The following PRRX1 variants were observed in gnomAD, a reference collection of about 807,000 sequenced individuals.
PRRX1 encodes paired related homeobox 1, also known as paired mesoderm homeobox protein 1.
PRRX1 carries 8 observed loss-of-function variants against 24.0 expected under a neutral mutation model. The ratio of observed to expected loss-of-function variants is 0.33; its 90% CI spans 0.20 to 0.60. The LOEUF (loss-of-function observed/expected upper bound fraction) is 0.60, where lower values mean the gene tolerates loss of function less well. PRRX1 is among the 20% of genes least tolerant of loss of function. The pLI, the probability that PRRX1 is intolerant of heterozygous loss-of-function variation, is 0.82. For missense variants in PRRX1, 281 were observed against 322.4 expected (o/e 0.87, Z 0.98); for synonymous variants, 160 against 131.7 (o/e 1.22, Z -1.47).
chr1:170,727,545 G>A (rs903349375), intron 3 of PRRX1: 2 of 152,218 alleles, frequency 1.3e-5, no homozygotes, highest in East Asian at 3.8e-4. Flanking sequence ...TTTCTGACAT[G>A]AAATGCTACA....
intron 1 of PRRX1, among the ~76,000 whole-genome samples, chr1:170,688,070 A>G (rs1279083259): frequency 1.3e-5 from 2 of 152,206 alleles, no homozygotes; most frequent in African/African-American, 4.8e-5. Flanking sequence ...GTAGGCATAC[A>G]TTTATTCACT....
intron 2 of PRRX1, among the ~76,000 whole-genome samples, chr1:170,721,487 G>A (rs562806463): frequency 3.4e-4 from 51 of 152,234 alleles, no homozygotes; most frequent in African/African-American, 1.1e-3. Flanking sequence ...AGAGATCCTA[G>A]TGCTCCCTTC....
rs528051964 is a variant in PRRX1, at chr1:170,732,946, C to G, written c.600-3102C>G. On this transcript the variant is annotated intron_variant, in intron 3 of 3. Coordinates refer to ENST00000239461, the MANE Select transcript of PRRX1 (RefSeq NM_022716.4). ...TATACAATGCCACCATATAATCAGA[C>G]GAGGGCACTGTTCTTTACTGTGGAA... 3.3e-5 allele frequency among the ~76,000 whole-genome samples: 5 copies of G among 152,210 alleles called. No individual in the cohort carries two copies. In the South Asian group the frequency reaches 1.0e-3, roughly 32 times the overall value.
intron 1 of PRRX1, among the ~76,000 whole-genome samples, chr1:170,717,278 G>T (rs1319404034): frequency 2.6e-5 from 4 of 152,208 alleles, no homozygotes; most frequent in African/African-American, 7.2e-5. Context: ...CAGGGGAGTT[G>T]GTGGTTTATG....
intron 2 of PRRX1, among the ~76,000 whole-genome samples, chr1:170,723,809 AG>A (rs1655166382): frequency 1.3e-5 from 2 of 152,344 alleles, no homozygotes; most frequent in East Asian, 3.9e-4. Flanking sequence ...TTAGGTCACA[AG>A]CCTGTACAGC....
intron 1 of PRRX1, among the ~76,000 whole-genome samples, chr1:170,666,340 C>T (rs1422790052): frequency 6.9e-6 from 1 of 145,238 alleles, no homozygotes; most frequent in Non-Finnish European, 1.5e-5. Flanking sequence ...ATCGCTTAAA[C>T]CCGGGAAGCA....
Position 170,736,077 on chromosome 1 carries a change from C to G in PRRX1, c.629C>G (p.Ala210Gly). 6.2e-7 allele frequency: 1 copy of G among 1,614,076 alleles called. No homozygotes were observed. The highest frequency in any genetic ancestry group is 8.5e-7 in the Non-Finnish European group (1 of 1,179,932). Residue 210 changes from alanine to glycine, a missense_variant, in exon 4 of 4, where the codon GCC (alanine) becomes GGC (glycine). Transcript: ENST00000239461. ...ATGGCTACTTATTCTGCCACATGTGCCAACAATAGCCCTGCACAGGGCATC... is the reference window on the plus strand; with the variant it reads ...ATGGCTACTTATTCTGCCACATGTGGCAACAATAGCCCTGCACAGGGCATC... ...SAMATYSATC[A>G]NNSPAQGINM...
intron 1 of PRRX1, among the ~76,000 whole-genome samples, chr1:170,692,751 A>T (rs1029849915): frequency 6.6e-6 from 1 of 151,668 alleles, no homozygotes; most frequent in Non-Finnish European, 1.5e-5. Flanking sequence ...TCACACACAC[A>T]CACACACACA....
At chr1:170,720,026 G>A in intron 2 of PRRX1, 125 bp downstream of exon 2, 4 of 1,281,590 alleles carry the variant, frequency 3.1e-6, no homozygotes, top group Non-Finnish European at 2.2e-6. Flanking sequence ...TCAGCACGTT[G>A]GGAGGTTGAG....
intron 2 of PRRX1, among the ~76,000 whole-genome samples, chr1:170,723,477 G>A (rs145325782): frequency 2.8e-3 from 418 of 150,008 alleles, no homozygotes; most frequent in African/African-American, 0.01. Flanking sequence ...TCTCTTTCCA[G>A]CATTTAGTAC....
chr1:170,721,335 T>A (rs1322830150), intron 2 of PRRX1, among the ~76,000 whole-genome samples: 3 of 152,242 alleles, frequency 2.0e-5, no homozygotes, highest in African/African-American at 7.2e-5. Flanking sequence ...TGAGTGTTAA[T>A]AATTTCTTTC....
chr1:170,692,091 A>T (rs1454995129), intron 1 of PRRX1, among the ~76,000 whole-genome samples: 1 of 152,140 alleles, frequency 6.6e-6, no homozygotes, highest in Non-Finnish European at 1.5e-5. Context: ...ATATAATATC[A>T]AATGGAAAGT....
At chr1:170,714,938 C>T (rs1224838431) in intron 1 of PRRX1, among the ~76,000 whole-genome samples, 1 of 152,068 alleles carries the variant, frequency 6.6e-6, no homozygotes, top group Non-Finnish European at 1.5e-5. Context: ...TGTATTCTAA[C>T]ATTGTGATCC....
chr1:170,694,841 G>A (rs767423057), intron 1 of PRRX1, among the ~76,000 whole-genome samples: 1 of 152,134 alleles, frequency 6.6e-6, no homozygotes, highest in East Asian at 1.9e-4. Context: ...AAAATTAAAA[G>A]TATGATAACA....
In PRRX1 at chr1:170,671,052, T is replaced by C. The variant is rs192620548; in HGVS notation, c.241+6593T>C. Among the ~76,000 whole-genome samples the C allele has an allele frequency of 1.8e-4, 27 of 152,316 alleles. No individual in the cohort carries two copies. The East Asian group carries it at 5.2e-3, about 29-fold the overall frequency. On this transcript the variant is annotated intron_variant, in intron 1 of 3. Transcript: ENST00000239461. ...TGAGTCTGCCCAGGCTCAGCTCTCT[T>C]ACAAAGGTATAAATCTGAAATTCAT...
chr1:170,733,614 T>C (rs1655510732), intron 3 of PRRX1, among the ~76,000 whole-genome samples: 1 of 152,180 alleles, frequency 6.6e-6, no homozygotes, highest in African/African-American at 2.4e-5. Context: ...CCAGCTTCTC[T>C]TCTATGTGTT....
At chr1:170,678,429 T>C (rs568022412) in intron 1 of PRRX1, among the ~76,000 whole-genome samples, 68 of 152,344 alleles carry the variant, frequency 4.5e-4, no homozygotes, top group Non-Finnish European at 6.6e-4. Context: ...GCAAGGCTAG[T>C]GTGCTTGTGG....
At chr1:170,713,393 T>C (rs1464593348) in intron 1 of PRRX1, among the ~76,000 whole-genome samples, 4 of 152,188 alleles carry the variant, frequency 2.6e-5, no homozygotes, top group Admixed American at 2.0e-4. Context: ...AATAATCCTT[T>C]AAGGAAAATG....
At chr1:170,722,505 A>T (rs889631526) in intron 2 of PRRX1, 1 of 152,194 alleles carries the variant, frequency 6.6e-6, no homozygotes, top group African/African-American at 2.4e-5. Flanking sequence ...AGATAGATGT[A>T]CAAACCATAC....
Sources: gnomAD v4.1 joint callset for allele counts (sites outside exome capture counted in the v4.1 genomes callset) on GRCh38, gnomAD v4.1.1 for gene constraint, MANE v1.5 for transcripts, NCBI Gene and HGNC (gene_info 2026-07-23, HGNC 2026-07-21) for gene names.